The following CCDC171 variants were observed in gnomAD, a reference collection of about 807,000 sequenced individuals.
CCDC171 encodes the protein coiled-coil domain-containing protein 171.
CCDC171 carries 177 observed loss-of-function variants against 168.2 expected under a neutral mutation model. That is an observed-to-expected ratio of 1.05 (90% CI 0.93 to 1.19). CCDC171 has a LOEUF of 1.19. CCDC171 is among the 50% of genes most tolerant of loss of function. CCDC171 has a pLI of 0.00. For missense variants in CCDC171, 1,991 were observed against 1,539.0 expected, an observed-to-expected ratio of 1.29 and a Z score of -4.91; for synonymous variants, 687 against 540.8, an observed-to-expected ratio of 1.27 and a Z score of -3.75.
At chr9:15,646,421 T>C (rs1448433950) in intron 7 of CCDC171, among the ~76,000 whole-genome samples, 2 of 152,148 alleles carry the variant, frequency 1.3e-5, no homozygotes, top group African/African-American at 4.8e-5. Context: ...TAAATGTAAA[T>C]GGGCTAAATG....
At chr9:15,840,774 C>G (rs1316232872) in intron 21 of CCDC171, among the ~76,000 whole-genome samples, 2 of 151,024 alleles carry the variant, frequency 1.3e-5, no homozygotes, top group South Asian at 2.1e-4. Flanking sequence ...CTTTACTATC[C>G]TCCTTTTTTT....
chr9:15,705,855 A>G (rs1014700317), intron 11 of CCDC171, among the ~76,000 whole-genome samples: 4 of 152,366 alleles, frequency 2.6e-5, no homozygotes, highest in African/African-American at 9.6e-5. Flanking sequence ...TATTTGTCGA[A>G]TATGAATAAA....
chr9:15,791,550 A>G (rs1429317794), intron 21 of CCDC171, among the ~76,000 whole-genome samples: 1 of 152,206 alleles, frequency 6.6e-6, no homozygotes, highest in East Asian at 1.9e-4. Context: ...AACAGGGACA[A>G]TTTGACTACC....
intron 7 of CCDC171, among the ~76,000 whole-genome samples, chr9:15,636,343 G>A (rs867305377): frequency 1.3e-5 from 2 of 152,062 alleles, no homozygotes; most frequent in Admixed American, 6.6e-5. Context: ...ATTTGAAATA[G>A]TATTTTAACA....
intron 21 of CCDC171, among the ~76,000 whole-genome samples, chr9:15,796,588 A>G (rs1159719389): frequency 6.6e-6 from 1 of 152,208 alleles, no homozygotes; most frequent in Non-Finnish European, 1.5e-5. Flanking sequence ...CCTTTTGACA[A>G]ATGTATACAT....
chr9:15,951,148 G>C (rs964985057), intron 25 of CCDC171, among the ~76,000 whole-genome samples: 20 of 150,528 alleles, frequency 1.3e-4, no homozygotes, highest in Admixed American at 2.0e-4. Flanking sequence ...CCTACAAAGA[G>C]ACTTAGACTC....
the CCDC171 span, among the ~76,000 whole-genome samples, chr9:16,070,210 C>G: frequency 6.6e-6 from 1 of 152,140 alleles, no homozygotes; most frequent in South Asian, 2.1e-4. Flanking sequence ...TAACATGAGC[C>G]CCTCGGGGTC....
rs551541213 is a variant in CCDC171, at chr9:15,768,237, A to G, written c.2672-9363A>G. ...ATTCAGCATATTCAAATTTTTACCC[A>G]TTTTCTTAGGCCCAAAACTTCCTTC... is the stretch of plus-strand genomic sequence containing the variant. On this transcript the variant is annotated intron_variant, in intron 18 of 25. Transcript: ENST00000380701. Among the ~76,000 whole-genome samples, 160 of 151,608 alleles carry G rather than the reference A, an allele frequency of 1.1e-3. 2 individuals carry two copies. The highest frequency in any genetic ancestry group is 3.5e-3 in the African/African-American group (146 of 41,344).
At chr9:15,644,825 A>G (rs2046910561) in intron 7 of CCDC171, among the ~76,000 whole-genome samples, 1 of 152,240 alleles carries the variant, frequency 6.6e-6, no homozygotes, top group Non-Finnish European at 1.5e-5. Context: ...GGCAGGGCAT[A>G]GCCAAACAAA....
chr9:15,651,377 G>A (rs1194424523), intron 7 of CCDC171, among the ~76,000 whole-genome samples: 1 of 151,710 alleles, frequency 6.6e-6, no homozygotes, highest in African/African-American at 2.4e-5. Context: ...CCAAAGTACT[G>A]GGATTACAGG....
At chr9:15,879,548 TA>T (rs1818326709) in intron 24 of CCDC171, among the ~76,000 whole-genome samples, 2 of 152,184 alleles carry the variant, frequency 1.3e-5, no homozygotes, top group South Asian at 4.1e-4. Flanking sequence ...TCTAGCTAAC[TA>T]TTTTTGTACT....
At chr9:15,737,795 T>C (rs2054594085) in intron 16 of CCDC171, among the ~76,000 whole-genome samples, 1 of 152,176 alleles carries the variant, frequency 6.6e-6, no homozygotes, top group Admixed American at 6.5e-5. Context: ...TGTGTGTGTG[T>C]ATGAAGACTA....
Position 15,585,337 on chromosome 9 carries a change from A to G in CCDC171, c.353-6029A>G, listed in dbSNP as rs2041472163. 5.3e-5 allele frequency among the ~76,000 whole-genome samples: 8 copies of G among 152,240 alleles called. No homozygotes were observed. The South Asian group carries it at 1.7e-3, about 31-fold the overall frequency. Reference sequence around the variant, plus strand: ...CATGGTGGTCCAAAGTTGGGGAAAAAGACATTCATTAACAAGAGAATGAAG... The same window carrying G: ...CATGGTGGTCCAAAGTTGGGGAAAAGGACATTCATTAACAAGAGAATGAAG... On this transcript the variant is annotated intron_variant, in intron 4 of 25. Transcript: ENST00000380701.
At chr9:15,680,335 C>T (rs886620807) in intron 10 of CCDC171, among the ~76,000 whole-genome samples, 1 of 152,164 alleles carries the variant, frequency 6.6e-6, no homozygotes, top group African/African-American at 2.4e-5. Flanking sequence ...TCTATACATA[C>T]ATACTTTCCT....
At chr9:15,716,662 G>A (rs150141765) in intron 11 of CCDC171, among the ~76,000 whole-genome samples, 13 of 152,272 alleles carry the variant, frequency 8.5e-5, no homozygotes, top group African/African-American at 3.1e-4. Context: ...CCAACATCTG[G>A]TGAGGGCCCT....
intron 16 of CCDC171, among the ~76,000 whole-genome samples, chr9:15,734,727 GATTA>G (rs1282393635): frequency 2.0e-5 from 3 of 151,862 alleles, no homozygotes; most frequent in Non-Finnish European, 4.4e-5. Flanking sequence ...ATTTTGTTAT[GATTA>G]ATTCTATATC....
chr9:15,582,686 A>G (rs1240148939), intron 4 of CCDC171, among the ~76,000 whole-genome samples: 4 of 152,290 alleles, frequency 2.6e-5, no homozygotes, highest in South Asian at 4.1e-4. Context: ...ACAAGAACAG[A>G]AAACCAAACA....
intron 23 of CCDC171, among the ~76,000 whole-genome samples, chr9:15,870,550 ATCT>A (rs1423676828): frequency 1.3e-5 from 2 of 151,996 alleles, no homozygotes; most frequent in Admixed American, 1.3e-4. Flanking sequence ...CACTGTATAC[ATCT>A]TCTTACATGT....
chr9:15,573,915 T>C (rs1022330678), intron 3 of CCDC171, among the ~76,000 whole-genome samples: 3 of 151,918 alleles, frequency 2.0e-5, no homozygotes, highest in Admixed American at 1.3e-4. Flanking sequence ...AAAATAAAAA[T>C]AAATATATTC....
Sources: allele counts gnomAD v4.1 joint callset (sites outside exome capture counted in the v4.1 genomes callset), GRCh38; gene constraint gnomAD v4.1.1; transcripts MANE v1.5; gene names NCBI Gene and HGNC (gene_info 2026-07-23, HGNC 2026-07-21).